Variants in CHD8 observed in about 807,000 individuals in gnomAD.
The protein encoded by CHD8 is chromodomain helicase DNA binding protein 8.
Under a neutral mutation model 279.2 loss-of-function variants are expected in CHD8, and 31 were observed. The observed-to-expected ratio is 0.11, with a 90% CI of 0.08 to 0.15. The LOEUF (loss-of-function observed/expected upper bound fraction) is 0.15. CHD8 is among the 10% of genes least tolerant of loss of function. The probability of loss-of-function intolerance (pLI) is 1.00; values close to 1 mark genes in which losing one functional copy is unlikely to be tolerated. For synonymous variants in CHD8, 1,081 were observed against 1,139.6 expected, an observed-to-expected ratio of 0.95 and a Z score of 1.04; for missense variants, 2,146 against 3,230.5, an observed-to-expected ratio of 0.66 and a Z score of 8.14.
intron 1 of CHD8, chr14:21,437,353 G>C (rs563194284): frequency 1.5e-5 from 13 of 864,654 alleles, no homozygotes; most frequent in Middle Eastern, 5.3e-4. Flanking sequence ...GCAAAACAGC[G>C]CAAAGGGTGG....
At chr14:21,449,757 A>G (rs1227122650) in intron 1 of CHD8, among the ~76,000 whole-genome samples, 1 of 152,216 alleles carries the variant, frequency 6.6e-6, no homozygotes, top group Non-Finnish European at 1.5e-5. Flanking sequence ...TGCTTGTGGT[A>G]ACTTTTAGTT....
At chr14:21,417,368 A>AT (rs1888770877) in intron 5 of CHD8, among the ~76,000 whole-genome samples, 1 of 152,086 alleles carries the variant, frequency 6.6e-6, no homozygotes, top group African/African-American at 2.4e-5. Flanking sequence ...TCAACAGGGG[A>AT]TTGGTTCAAT....
At chr14:21,397,611 T>C in intron 27 of CHD8, 1 of 513,478 alleles carries the variant, frequency 1.9e-6, no homozygotes, top group South Asian at 2.1e-5. Flanking sequence ...AATAAGCCAT[T>C]TACAAGTGAC....
intron 37 of CHD8, among the ~76,000 whole-genome samples, chr14:21,389,908 G>T (rs932873841): frequency 2.0e-5 from 3 of 152,070 alleles, no homozygotes; most frequent in Non-Finnish European, 4.4e-5. Flanking sequence ...TTCCTTAGAA[G>T]ACCTCTCCAA....
At chr14:21,406,533 T>C (rs1476447506) in intron 14 of CHD8, among the ~76,000 whole-genome samples, 1 of 152,216 alleles carries the variant, frequency 6.6e-6, no homozygotes, top group Admixed American at 6.5e-5. Flanking sequence ...ACCAACTAGC[T>C]GAACTCAGCC....
rs1476069443 is a variant in CHD8 at position 21,409,993 on chromosome 14, G to A, written c.2227-5C>T. ...CACCAGGTAGTAAATAACGGGCTAG[G>A]AGAGAAGAAACCAAAGCCTTAAGAA... On this transcript the variant is annotated splice_region_variant and splice_polypyrimidine_tract_variant and intron_variant, in intron 10 of 37. Coordinates refer to ENST00000646647, the MANE Select transcript of CHD8 (RefSeq NM_001170629.2). The A allele has an allele frequency of 1.2e-6, 2 of 1,604,144 alleles. No individual in the cohort carries two copies. The highest frequency in any genetic ancestry group is 1.7e-6 in the Non-Finnish European group (2 of 1,175,634).
Position 21,431,731 on chromosome 14 carries a change from A to C in CHD8, c.-88T>G. The C allele has an allele frequency of 6.2e-7, 1 of 1,612,114 alleles. No homozygotes were observed. The highest frequency in any genetic ancestry group is 8.5e-7 in the Non-Finnish European group (1 of 1,178,850). On this transcript the variant is annotated 5_prime_UTR_variant, in exon 2 of 38. Coordinates refer to ENST00000646647, the MANE Select transcript of CHD8 (RefSeq NM_001170629.2). The stretch of plus-strand genomic sequence containing the variant: ...GGCTCTCCCCTCCCCTCCCCTATTA[A>C]GAAAAAAATGTACACAATGTAAGAG...
intron 37 of CHD8, 101 bp downstream of exon 37, chr14:21,390,846 T>C (rs535133594): frequency 6.3e-5 from 42 of 668,556 alleles, no homozygotes; most frequent in Middle Eastern, 5.0e-4. Context: ...CAAACAAACA[T>C]AGGAAAAAAG....
Position 21,393,164 on chromosome 14 carries a change from T to G in CHD8, c.6410A>C (p.Gln2137Pro), listed in dbSNP as rs778540030. The stretch of plus-strand genomic sequence containing the variant: ...CAGTAGCAGAAGCTCAGGGGTCATT[T>G]GTTCTCCATCTTCATTTGGGAATCC... The part of the protein sequence containing the change: ...QDGFPNEDGE[Q>P]MTPELLLLQE... The change falls in exon 33 of 38, where the codon CAA becomes CCA. Residue 2137 changes from glutamine (Q) to proline (P), a missense_variant. This residue lies in a region of CHD8 where 513 missense variants were observed against 637.6 expected (regional missense o/e 0.80). Coordinates refer to ENST00000646647, the MANE Select transcript of CHD8 (RefSeq NM_001170629.2). The G allele has an allele frequency of 6.2e-7, 1 of 1,614,004 alleles. No individual in the cohort carries two copies. The highest frequency in any genetic ancestry group is 8.5e-7 in the Non-Finnish European group (1 of 1,179,874).
chr14:21,447,672 G>T (rs185853110), intron 1 of CHD8, among the ~76,000 whole-genome samples: 183 of 152,044 alleles, frequency 1.2e-3, no homozygotes, highest in African/African-American at 4.1e-3. Flanking sequence ...GCGCCCGGCC[G>T]GATGACACTA....
chr14:21,406,826 T>C, intron 14 of CHD8, 30 bp downstream of exon 14: 1 of 1,580,726 alleles, frequency 6.3e-7, no homozygotes, highest in Middle Eastern at 1.8e-4. Flanking sequence ...ATTCCAGGTG[T>C]TTCTGCTCAC....
chr14:21,396,030 T>G, intron 27 of CHD8, 138 bp from the exon 28 acceptor site: 1 of 664,492 alleles, frequency 1.5e-6, no homozygotes, highest in Non-Finnish European at 2.6e-6. Context: ...CAGGTCTCAC[T>G]CTGTCGCCCA....
At chr14:21,411,630 C>T (rs1263612150) in intron 10 of CHD8, among the ~76,000 whole-genome samples, 1 of 151,822 alleles carries the variant, frequency 6.6e-6, no homozygotes, top group East Asian at 1.9e-4. Context: ...CTAAGCTAAA[C>T]CAAAAAGTGC....
At position 21,385,561 on chromosome 14, in the gene CHD8, G is replaced by C; in HGVS notation, c.*52C>G. 1 of 1,515,310 alleles carries C rather than the reference G, an allele frequency of 6.6e-7. No individual in the cohort carries two copies. The highest frequency in any genetic ancestry group is 8.8e-7 in the Non-Finnish European group (1 of 1,130,976). 93.9% of individuals were successfully genotyped at this position (1,515,310 alleles called of 1,614,324 possible). ...CCACGTTTCCATAGTCCAAGGGCCA[G>C]AGTAAATGAAAATACAGCAGCCGCC... On this transcript the variant is annotated 3_prime_UTR_variant, in exon 38 of 38. Transcript: ENST00000646647.
Position 21,404,647 on chromosome 14 carries a change from T to C in CHD8, c.3307+562A>G, listed in dbSNP as rs78877595. The stretch of plus-strand genomic sequence containing the variant: ...TGAGACAGGGCTAGCTTCAAACTCA[T>C]GGGCTCAACCGATCTTCCTGCCTCA... On this transcript the variant is annotated intron_variant, in intron 16 of 37. Transcript: ENST00000646647. Among the ~76,000 whole-genome samples, 856 of 152,254 alleles carry C rather than the reference T, an allele frequency of 5.6e-3. 10 individuals carry two copies. Among genetic ancestry groups the C allele is most frequent in the African/African-American group, 0.02 (823 of 41,542 alleles).
intron 1 of CHD8, among the ~76,000 whole-genome samples, chr14:21,434,039 CTTT>C (rs57822562): frequency 4.3e-5 from 5 of 115,884 alleles, no homozygotes; most frequent in Non-Finnish European, 7.5e-5. Flanking sequence ...GTGAAAGTTT[CTTT>C]TTTTTTTTTT....
chr14:21,396,565 C>T (rs1887794352), intron 27 of CHD8: 2 of 148,080 alleles, frequency 1.4e-5, no homozygotes, highest in African/African-American at 5.3e-5. Context: ...CTGGCCTAGT[C>T]TTTTATTTAT....
rs61744173 is a variant in CHD8, at chr14:21,428,033, G to A, written c.1437C>T (p.Asn479=). ...CGTCCTCATTTAAGACTCGAGGTAT[G>A]TTCTGCTCACCGCGGGCACGGGCTC... The part of the protein sequence containing the change: ...IARARARGEQ[N]IPRVLNEDEL... Residue 479 remains asparagine, a synonymous_variant, in exon 4 of 38, where the codon AAC becomes AAT. Coordinates refer to ENST00000646647, the MANE Select transcript of CHD8 (RefSeq NM_001170629.2). The A allele has an allele frequency of 0.012, 19,522 of 1,614,036 alleles. 153 individuals carry two copies. The highest frequency in any genetic ancestry group is 0.014 in the Non-Finnish European group (16,863 of 1,179,900).
chr14:21,397,591 T>C lies in CHD8; in HGVS notation c.5051+232A>G, dbSNP rs150760027. On this transcript the variant is annotated intron_variant, in intron 27 of 37. Transcript: ENST00000646647. ...GAAGAGTGTTGTAAACCAAACCAAATAGAACATCAAATAAGCCATTTACAA... is the reference window on the plus strand; with the variant it reads ...GAAGAGTGTTGTAAACCAAACCAAACAGAACATCAAATAAGCCATTTACAA... The C allele has an allele frequency of 6.5e-4, 300 of 462,680 alleles. 1 individual carries two copies. The highest frequency in any genetic ancestry group is 3.8e-3 in the African/African-American group (192 of 50,694). The allele number at this position is 462,680 out of a possible 1,614,324, so 28.7% of individuals were successfully genotyped here. A position where few individuals can be genotyped will look rare whatever the true frequency, so the allele number is the denominator to read the frequency against.
Sources: allele counts gnomAD v4.1 joint callset (sites outside exome capture counted in the v4.1 genomes callset), GRCh38; gene constraint gnomAD v4.1.1; regional missense constraint gnomAD v4.1.1; transcripts MANE v1.5; gene names NCBI Gene and HGNC (gene_info 2026-07-23, HGNC 2026-07-21).